TMEM178B: variants seen among roughly 807,000 people sequenced by gnomAD.
TMEM178B encodes the protein transmembrane protein 178B.
Under a neutral mutation model 31.0 loss-of-function variants are expected in TMEM178B, and 5 were observed. That is an observed-to-expected ratio of 0.16 (90% confidence interval 0.08 to 0.34). The LOEUF (loss-of-function observed/expected upper bound fraction) is 0.34. TMEM178B is among the 10% of genes least tolerant of loss of function. TMEM178B has a pLI of 1.00. For synonymous variants in TMEM178B, 164 were observed against 164.0 expected, an observed-to-expected ratio of 1.00 and a Z score of 0.00; for missense variants, 275 against 400.3, an observed-to-expected ratio of 0.69 and a Z score of 2.67.
chr7:141,280,375 G>A (rs1352559456), intron 2 of TMEM178B, among the ~76,000 whole-genome samples: 2 of 152,126 alleles, frequency 1.3e-5, no homozygotes, highest in African/African-American at 2.4e-5. Flanking sequence ...GGATGGACCC[G>A]TGGGAGATAA....
intron 1 of TMEM178B, among the ~76,000 whole-genome samples, chr7:141,097,580 C>T (rs533325998): frequency 6.6e-6 from 1 of 152,088 alleles, no homozygotes; most frequent in South Asian, 2.1e-4. Context: ...AATCAGTCCA[C>T]CTTGACCCAT....
intron 1 of TMEM178B, among the ~76,000 whole-genome samples, chr7:141,166,818 C>G (rs947486596): frequency 3.3e-5 from 5 of 152,208 alleles, no homozygotes; most frequent in African/African-American, 1.2e-4. Flanking sequence ...GAGCTAAACA[C>G]TGTGATCATG....
intron 1 of TMEM178B, among the ~76,000 whole-genome samples, chr7:141,092,967 T>C (rs1482413907): frequency 6.6e-6 from 1 of 151,998 alleles, no homozygotes; most frequent in East Asian, 1.9e-4. Flanking sequence ...GTTATAGAAA[T>C]AGCAAAGGTG....
intron 1 of TMEM178B, among the ~76,000 whole-genome samples, chr7:141,151,845 G>T (rs938144121): frequency 6.6e-6 from 1 of 152,160 alleles, no homozygotes; most frequent in Non-Finnish European, 1.5e-5. Flanking sequence ...CTACAGGGGG[G>T]GTGCCCCTCA....
intron 2 of TMEM178B, among the ~76,000 whole-genome samples, chr7:141,288,266 G>A (rs1392363093): frequency 6.6e-6 from 1 of 151,270 alleles, no homozygotes; most frequent in Non-Finnish European, 1.5e-5. Context: ...GATCTTTCTT[G>A]CTTGAAGGGC....
intron 1 of TMEM178B, among the ~76,000 whole-genome samples, chr7:141,145,169 C>T (rs768103800): frequency 1.3e-5 from 2 of 152,194 alleles, no homozygotes; most frequent in Non-Finnish European, 2.9e-5. Flanking sequence ...GGTGGACCCT[C>T]GGTTGCCCCT....
chr7:141,155,218 C>T (rs1379010938), intron 1 of TMEM178B, among the ~76,000 whole-genome samples: 2 of 152,200 alleles, frequency 1.3e-5, no homozygotes, highest in Non-Finnish European at 2.9e-5. Flanking sequence ...AAGATTTAGA[C>T]AGAGAAGTAG....
chr7:141,430,342 A>G (rs1300726676), intron 2 of TMEM178B: 1 of 152,148 alleles, frequency 6.6e-6, no homozygotes, highest in Non-Finnish European at 1.5e-5. Flanking sequence ...AAAAATGAGA[A>G]TTGCTTTAAT....
intron 2 of TMEM178B, among the ~76,000 whole-genome samples, chr7:141,213,466 T>C (rs1797080545): frequency 6.6e-6 from 1 of 152,264 alleles, no homozygotes; most frequent in African/African-American, 2.4e-5. Context: ...ACATTCCTAC[T>C]GTCAGCAGGT....
chr7:141,508,664 T>G, the TMEM178B span, among the ~76,000 whole-genome samples: 1 of 152,192 alleles, frequency 6.6e-6, no homozygotes, highest in Non-Finnish European at 1.5e-5. Context: ...GAAAGGCACT[T>G]CTTACATGGT....
rs1250380717 is a variant in TMEM178B at position 141,194,158 on chromosome 7, C to T, written c.383-18433C>T. ...ACACAGCCAAACCATATCATTCCAC[C>T]CCTGGCCTCTTCAAATCTCATGTCC... On this transcript the variant is annotated intron_variant, in intron 1 of 3. Transcript: ENST00000565468. Among the ~76,000 whole-genome samples the T allele has an allele frequency of 2.0e-5, 3 of 152,076 alleles. No individual in the cohort carries two copies. The East Asian group carries it at 5.8e-4, about 29-fold the overall frequency.
chr7:141,401,423 ATT>A (rs976762710), intron 2 of TMEM178B, among the ~76,000 whole-genome samples: 15 of 151,962 alleles, frequency 9.9e-5, no homozygotes, highest in African/African-American at 3.6e-4. Flanking sequence ...TTTCTTATTT[ATT>A]TATTTAGAGA....
intron 1 of TMEM178B, among the ~76,000 whole-genome samples, chr7:141,183,552 T>A (rs991050515): frequency 6.6e-6 from 1 of 152,228 alleles, no homozygotes; most frequent in East Asian, 1.9e-4. Flanking sequence ...TAAACACTGA[T>A]GTGTTAGTCA....
intron 2 of TMEM178B, among the ~76,000 whole-genome samples, chr7:141,389,245 C>A (rs1015498334): frequency 6.6e-6 from 1 of 152,186 alleles, no homozygotes; most frequent in Non-Finnish European, 1.5e-5. Context: ...CTATTCTGGG[C>A]TCTCCTCTGT....
At chr7:141,142,445 T>C (rs1481259090) in intron 1 of TMEM178B, among the ~76,000 whole-genome samples, 1 of 151,572 alleles carries the variant, frequency 6.6e-6, no homozygotes, top group African/African-American at 2.4e-5. Context: ...TCTCGCTCTG[T>C]CACCCAGGCT....
chr7:141,455,006 C>T (rs1427730125), intron 3 of TMEM178B, among the ~76,000 whole-genome samples: 1 of 152,108 alleles, frequency 6.6e-6, no homozygotes, highest in Non-Finnish European at 1.5e-5. Context: ...GAGGACATTC[C>T]TGATGGGCTG....
At chr7:141,161,426 CT>C (rs1182521316) in intron 1 of TMEM178B, among the ~76,000 whole-genome samples, 4 of 152,142 alleles carry the variant, frequency 2.6e-5, no homozygotes, top group Non-Finnish European at 5.9e-5. Context: ...GGGAGGAGGC[CT>C]AGACGGTGAC....
chr7:141,485,926 T>A, the TMEM178B span, among the ~76,000 whole-genome samples: 1 of 152,200 alleles, frequency 6.6e-6, no homozygotes, highest in African/African-American at 2.4e-5. Flanking sequence ...AGGGGACCAA[T>A]AAAGAACCCT....
chr7:141,180,979 C>T lies in TMEM178B; in HGVS notation c.383-31612C>T, dbSNP rs549485613. Among the ~76,000 whole-genome samples the T allele has an allele frequency of 3.3e-5, 5 of 152,202 alleles. No homozygotes were observed. In the East Asian group the frequency reaches 7.7e-4, roughly 24 times the overall value. On this transcript the variant is annotated intron_variant, in intron 1 of 3. Coordinates refer to ENST00000565468, the MANE Select transcript of TMEM178B (RefSeq NM_001195278.2). ...CAACATCCATTCATCCATCCTCCTC[C>T]CCACCCATCCATCCACCCATCCACC...
Sources: allele counts gnomAD v4.1 joint callset (sites outside exome capture counted in the v4.1 genomes callset), GRCh38; gene constraint gnomAD v4.1.1; transcripts MANE v1.5; gene names NCBI Gene and HGNC (gene_info 2026-07-23, HGNC 2026-07-21).